PICALM: variants seen among roughly 807,000 people sequenced by gnomAD.
PICALM encodes the protein phosphatidylinositol binding clathrin assembly protein.
In PICALM, 40 loss-of-function variants were observed where a neutral mutation model predicts 80.5. The ratio of observed to expected loss-of-function variants is 0.50; its 90% CI spans 0.39 to 0.65. PICALM has a LOEUF of 0.65. Ranked by LOEUF, PICALM falls within the 30% of genes least tolerant of loss-of-function variation. The pLI is 0.00. For missense variants in PICALM, 676 were observed against 778.9 expected, an observed-to-expected ratio of 0.87 and a Z score of 1.57; for synonymous variants, 288 against 260.3, an observed-to-expected ratio of 1.11 and a Z score of -1.02.
At chr11:85,997,199 C>T (rs889327352) in intron 11 of PICALM, among the ~76,000 whole-genome samples, 3 of 152,146 alleles carry the variant, frequency 2.0e-5, no homozygotes, top group Admixed American at 1.3e-4. Flanking sequence ...CTAGAAAAAA[C>T]TAATTTCCCT....
intron 12 of PICALM, among the ~76,000 whole-genome samples, chr11:85,990,985 G>A (rs1251479221): frequency 7.2e-5 from 11 of 152,250 alleles, no homozygotes; most frequent in Non-Finnish European, 2.9e-5. Context: ...AATAGACTGC[G>A]AACACCTTTG....
chr11:86,032,465 A>T (rs969025702), intron 1 of PICALM, among the ~76,000 whole-genome samples: 1 of 152,074 alleles, frequency 6.6e-6, no homozygotes. Context: ...TTTACTAATA[A>T]TACCAAAAAC....
intron 11 of PICALM, among the ~76,000 whole-genome samples, chr11:85,997,404 A>C (rs1443408702): frequency 6.6e-6 from 1 of 152,214 alleles, no homozygotes; most frequent in Admixed American, 6.5e-5. Flanking sequence ...TGATACAGGG[A>C]AAAAATTTTA....
chr11:85,965,807 GTTTTTTTGTTTTTTTTT>G (rs1277798574), intron 19 of PICALM, among the ~76,000 whole-genome samples: 3 of 79,260 alleles, frequency 3.8e-5, no homozygotes, highest in Admixed American at 3.0e-4. Flanking sequence ...TACCCATTTT[GTTTTTTTGTTTTTTTTT>G]TTTTTTTTTT....
intron 1 of PICALM, among the ~76,000 whole-genome samples, chr11:86,045,881 A>G (rs2096064633): frequency 6.6e-6 from 1 of 152,096 alleles, no homozygotes; most frequent in Admixed American, 6.6e-5. Flanking sequence ...TTTTGCTATG[A>G]TGCCAAACGA....
chr11:86,042,300 GATTT>G (rs144384452), intron 1 of PICALM, among the ~76,000 whole-genome samples: 9,338 of 151,862 alleles, frequency 0.061, 472 homozygotes, highest in African/African-American at 0.15. Context: ...CCATCTCAAA[GATTT>G]ATTACTTCTA....
At position 86,022,476 on chromosome 11, in the gene PICALM, A is replaced by T. The variant is rs1415821300; in HGVS notation, c.350-7T>A. On this transcript the variant is annotated splice_region_variant and splice_polypyrimidine_tract_variant and intron_variant, in intron 3 of 19. Coordinates refer to ENST00000393346, the MANE Select transcript of PICALM (RefSeq NM_007166.4). The stretch of plus-strand genomic sequence containing the variant: ...AATGTAGACATGTCATATCCTGTAA[A>T]AAAACAAAAACAAAAACAAAACAAA... The T allele has an allele frequency of 1.6e-6, 2 of 1,266,998 alleles. No individual in the cohort carries two copies. The highest frequency in any genetic ancestry group is 2.2e-6 in the Non-Finnish European group (2 of 923,372). The allele number at this position is 1,266,998 out of a possible 1,614,324, so 78.5% of individuals were successfully genotyped here. A position where few individuals can be genotyped will look rare whatever the true frequency, so the allele number is the denominator to read the frequency against.
At chr11:86,067,175 A>AT (rs572901587) in intron 1 of PICALM, among the ~76,000 whole-genome samples, 10 of 152,228 alleles carry the variant, frequency 6.6e-5, no homozygotes, top group Non-Finnish European at 1.3e-4. Flanking sequence ...CATTTCGTAC[A>AT]TTTTTTTTAA....
chr11:85,984,260 A>G (rs1397695579), intron 13 of PICALM, among the ~76,000 whole-genome samples: 6 of 152,316 alleles, frequency 3.9e-5, no homozygotes, highest in Non-Finnish European at 8.8e-5. Flanking sequence ...TTATATGCAG[A>G]TAATCTTTAA....
chr11:85,979,482 T>C (rs1338917867), intron 17 of PICALM, among the ~76,000 whole-genome samples: 8 of 145,302 alleles, frequency 5.5e-5, no homozygotes, highest in Non-Finnish European at 9.0e-5. Flanking sequence ...AGAGCAAGAC[T>C]CCGTCACAAA....
At chr11:85,981,556 G>A (rs1057150822) in intron 16 of PICALM, among the ~76,000 whole-genome samples, 189 bp downstream of exon 16, 6 of 151,296 alleles carry the variant, frequency 4.0e-5, no homozygotes, top group East Asian at 1.9e-4. Context: ...GCAGTGGGCC[G>A]AGATTGCGCC....
chr11:86,052,843 A>G (rs2096211773), intron 1 of PICALM, among the ~76,000 whole-genome samples: 1 of 152,112 alleles, frequency 6.6e-6, no homozygotes, highest in Non-Finnish European at 1.5e-5. Context: ...ATTGCACCCA[A>G]CCTGTCCCTC....
At chr11:86,046,830 G>T (rs2096079049) in intron 1 of PICALM, among the ~76,000 whole-genome samples, 1 of 152,140 alleles carries the variant, frequency 6.6e-6, no homozygotes, top group South Asian at 2.1e-4. Context: ...TAGATACAAG[G>T]TCTCACTATG....
chr11:86,013,024 G>C (rs748645460), intron 5 of PICALM, among the ~76,000 whole-genome samples: 1 of 152,092 alleles, frequency 6.6e-6, no homozygotes, highest in Non-Finnish European at 1.5e-5. Flanking sequence ...AAAAAGAAAA[G>C]AACACGGTAG....
In PICALM at chr11:85,990,318, ACAT is replaced by A. The variant is rs2094724795; in HGVS notation, c.1337_1339del (p.Asp446del). 2 of 1,604,106 alleles carry A rather than the reference ACAT, an allele frequency of 1.2e-6. No individual in the cohort carries two copies. The highest frequency in any genetic ancestry group is 1.7e-6 in the Non-Finnish European group (2 of 1,171,206). On this transcript the variant is annotated inframe_deletion, in exon 13 of 20. Coordinates refer to ENST00000393346, the MANE Select transcript of PICALM (RefSeq NM_007166.4). Reference sequence around the variant, plus strand: ...TACATCTGAAGAAATGGAAAGGTGAACATCACCACTACTTTTTGTGAGGAAAGG... The same window carrying A: ...TACATCTGAAGAAATGGAAAGGTGAACACCACTACTTTTTGTGAGGAAAGG...
At chr11:86,059,292 G>A (rs1466347403) in intron 1 of PICALM, among the ~76,000 whole-genome samples, 1 of 152,172 alleles carries the variant, frequency 6.6e-6, no homozygotes, top group African/African-American at 2.4e-5. Context: ...AGAAGAGATA[G>A]AGAACAATAC....
At chr11:86,003,094 C>T (rs1166779667) in intron 9 of PICALM, among the ~76,000 whole-genome samples, 2 of 152,140 alleles carry the variant, frequency 1.3e-5, no homozygotes, top group African/African-American at 4.8e-5. Flanking sequence ...GAAATTTTGA[C>T]ATCATAAACA....
At chr11:86,049,163 G>A (rs1344345886) in intron 1 of PICALM, among the ~76,000 whole-genome samples, 1 of 152,046 alleles carries the variant, frequency 6.6e-6, no homozygotes, top group African/African-American at 2.4e-5. Context: ...CACGGTGGGT[G>A]CACACCTATA....
At chr11:86,007,956 A>C (rs1350776096) in intron 7 of PICALM, among the ~76,000 whole-genome samples, 4 of 139,694 alleles carry the variant, frequency 2.9e-5, no homozygotes, top group African/African-American at 1.0e-4. Flanking sequence ...TCTTTGATGC[A>C]AAAAAAAAAA....
Sources: gnomAD v4.1 joint callset for allele counts (sites outside exome capture counted in the v4.1 genomes callset) on GRCh38, gnomAD v4.1.1 for gene constraint, MANE v1.5 for transcripts, NCBI Gene and HGNC (gene_info 2026-07-23, HGNC 2026-07-21) for gene names.